TFCP2: variants seen among roughly 807,000 people sequenced by gnomAD.
The protein encoded by TFCP2 is alpha-globin transcription factor CP2.
A neutral mutation model predicts 73.4 loss-of-function variants in TFCP2; 33 were observed. The ratio of observed to expected loss-of-function variants is 0.45; its 90% confidence interval spans 0.34 to 0.60. TFCP2 has a LOEUF of 0.60. Among genes scored for constraint, TFCP2 ranks in the 20% least tolerant of loss-of-function variants. The pLI is 0.01. For missense variants in TFCP2, 352 were observed against 604.0 expected (o/e 0.58, Z 4.37); for synonymous variants, 193 against 211.6 (o/e 0.91, Z 0.76).
intron 1 of TFCP2, among the ~76,000 whole-genome samples, chr12:51,147,951 C>A (rs1295190547): frequency 6.6e-6 from 1 of 151,782 alleles, no homozygotes; most frequent in African/African-American, 2.4e-5. Flanking sequence ...AGAAAAAAAA[C>A]AAACAATCCC....
intron 3 of TFCP2, among the ~76,000 whole-genome samples, 187 bp from the exon 4 acceptor site, chr12:51,116,607 T>G (rs1368895659): frequency 1.3e-5 from 2 of 151,616 alleles, no homozygotes; most frequent in African/African-American, 2.4e-5. Context: ...TTTTATAATT[T>G]CTCAGATATA....
chr12:51,156,115 G>A (rs948313719), intron 1 of TFCP2, among the ~76,000 whole-genome samples: 1 of 151,906 alleles, frequency 6.6e-6, no homozygotes, highest in Non-Finnish European at 1.5e-5. Context: ...ATCTTTGTAG[G>A]GCTTTGGCAT....
intron 6 of TFCP2, 127 bp downstream of exon 6, chr12:51,108,994 G>T: frequency 9.5e-7 from 1 of 1,051,932 alleles, no homozygotes; most frequent in Non-Finnish European, 1.4e-6. Flanking sequence ...AATGACTCTA[G>T]CTTAGACTTT....
At chr12:51,134,662 T>C (rs114127158) in intron 1 of TFCP2, among the ~76,000 whole-genome samples, 1 of 152,248 alleles carries the variant, frequency 6.6e-6, no homozygotes, top group Non-Finnish European at 1.5e-5. Context: ...TCTAGTCTTT[T>C]GTGCCCCTTA....
Position 51,101,012 on chromosome 12 carries a change from T to C in TFCP2, c.1151+923A>G, listed in dbSNP as rs765349475. On this transcript the variant is annotated intron_variant, in intron 11 of 14. Coordinates refer to ENST00000257915, the MANE Select transcript of TFCP2 (RefSeq NM_005653.5). ...TTAACAATTGCAGGCAGACACTTCC[T>C]ACCCACATTTGCCGGGTGCGGTGGC... is the stretch of plus-strand genomic sequence containing the variant. Among the ~76,000 whole-genome samples, 50 of 152,260 alleles carry C rather than the reference T, an allele frequency of 3.3e-4. No homozygotes were observed. In the Middle Eastern group the frequency reaches 0.01, roughly 31 times the overall value.
intron 1 of TFCP2, among the ~76,000 whole-genome samples, chr12:51,163,890 G>C (rs369981328): frequency 7.2e-5 from 11 of 152,122 alleles, no homozygotes; most frequent in African/African-American, 2.4e-4. Flanking sequence ...ACAATGTTTA[G>C]AGCAGAGATA....
At chr12:51,155,914 T>C (rs2640521) in intron 1 of TFCP2, among the ~76,000 whole-genome samples, 100,442 of 151,998 alleles carry the variant, frequency 0.66, 33,340 homozygotes, top group Non-Finnish European at 0.68. Context: ...TGGTGGCACA[T>C]GCCTGTAATC....
chr12:51,156,068 A>G (rs1049975395), intron 1 of TFCP2, among the ~76,000 whole-genome samples: 22 of 118,760 alleles, frequency 1.9e-4, no homozygotes, highest in African/African-American at 6.3e-4. Flanking sequence ...AAAAAAAAAA[A>G]AAAGAAAGAA....
At position 51,110,880 on chromosome 12, in the gene TFCP2, A is replaced by G; in HGVS notation, c.561T>C (p.Ile187=). Reference sequence around the variant, plus strand: ...AACCCTATCTGCAACGCCTTACCTGAATAAACACAGATGTCCTCTTTGCAG... The same window carrying G: ...AACCCTATCTGCAACGCCTTACCTGGATAAACACAGATGTCCTCTTTGCAG... ...WDPAKRTSVF[I]QVHCISTEFT... Residue 187 remains isoleucine (I), a synonymous_variant, in exon 5 of 15, where the codon ATT becomes ATC. Coordinates refer to ENST00000257915, the MANE Select transcript of TFCP2 (RefSeq NM_005653.5). 6.2e-7 allele frequency: 1 copy of G among 1,610,862 alleles called. No individual in the cohort carries two copies. The highest frequency in any genetic ancestry group is 1.7e-4 in the Middle Eastern group (1 of 6,052).
chr12:51,163,484 G>GA (rs1941692169), intron 1 of TFCP2, among the ~76,000 whole-genome samples: 1 of 152,102 alleles, frequency 6.6e-6, no homozygotes, highest in Non-Finnish European at 1.5e-5. Flanking sequence ...CAGCTACTTG[G>GA]GAGGCTGAGG....
chr12:51,111,797 T>C (rs1940407296), intron 4 of TFCP2, among the ~76,000 whole-genome samples: 1 of 151,416 alleles, frequency 6.6e-6, no homozygotes, highest in Admixed American at 6.6e-5. Context: ...GAGGTTGCAG[T>C]GAGCCGGAGA....
chr12:51,112,232 T>C (rs1294281060), intron 4 of TFCP2, among the ~76,000 whole-genome samples: 3 of 152,226 alleles, frequency 2.0e-5, no homozygotes, highest in Non-Finnish European at 2.9e-5. Flanking sequence ...GATGTTTCAA[T>C]ACATATAATG....
intron 1 of TFCP2, among the ~76,000 whole-genome samples, chr12:51,154,379 A>AT (rs1366865024): frequency 6.6e-6 from 1 of 152,234 alleles, no homozygotes; most frequent in Non-Finnish European, 1.5e-5. Context: ...AAATAAAACT[A>AT]TAACAATATA....
At chr12:51,116,451 C>A (rs12826153) in intron 3 of TFCP2, 31 bp from the exon 4 acceptor site, 258,440 of 1,301,300 alleles carry the variant, frequency 0.2, 26,493 homozygotes, top group South Asian at 0.27. Context: ...CAGATGATAA[C>A]AAGACCTCTT....
At chr12:51,161,400 G>T (rs1160194484) in intron 1 of TFCP2, among the ~76,000 whole-genome samples, 2 of 151,902 alleles carry the variant, frequency 1.3e-5, no homozygotes, top group Admixed American at 6.6e-5. Flanking sequence ...AAAGAAATTG[G>T]CTGGGCACAG....
At chr12:51,125,579 G>A (rs1194993534) in intron 1 of TFCP2, among the ~76,000 whole-genome samples, 2 of 152,142 alleles carry the variant, frequency 1.3e-5, no homozygotes, top group Non-Finnish European at 2.9e-5. Context: ...TAGCCCTTCT[G>A]TCTAACCTCT....
chr12:51,161,117 ACTCT>A (rs1450464156), intron 1 of TFCP2, among the ~76,000 whole-genome samples: 4 of 151,786 alleles, frequency 2.6e-5, no homozygotes, highest in Non-Finnish European at 5.9e-5. Context: ...CATTTAAGGA[ACTCT>A]CTGTCAAGTC....
At chr12:51,144,473 T>C (rs780006336) in intron 1 of TFCP2, among the ~76,000 whole-genome samples, 1 of 152,084 alleles carries the variant, frequency 6.6e-6, no homozygotes, top group Non-Finnish European at 1.5e-5. Flanking sequence ...TTGAAACAGA[T>C]AGACAAATTA....
chr12:51,095,898 T>C, intron 14 of TFCP2, 91 bp downstream of exon 14: 5 of 985,174 alleles, frequency 5.1e-6, no homozygotes, highest in South Asian at 1.8e-5. Context: ...TATGGTTACT[T>C]TTCCTATCTC....
Sources: allele counts gnomAD v4.1 joint callset (sites outside exome capture counted in the v4.1 genomes callset), GRCh38; gene constraint gnomAD v4.1.1; transcripts MANE v1.5; gene names NCBI Gene and HGNC (gene_info 2026-07-23, HGNC 2026-07-21).